The following SLC12A1 variants were observed in gnomAD, a reference collection of about 807,000 sequenced individuals.
The protein encoded by SLC12A1 is Na-K-2Cl cotransporter.
SLC12A1 carries 89 observed loss-of-function variants against 130.4 expected under a neutral mutation model. The ratio of observed to expected loss-of-function variants is 0.68; its 90% CI spans 0.58 to 0.81. SLC12A1 has a LOEUF of 0.81. SLC12A1 is among the 40% of genes least tolerant of loss of function. SLC12A1 has a pLI of 0.00. For missense variants in SLC12A1, 1,310 were observed against 1,336.4 expected (o/e 0.98, Z 0.31); for synonymous variants, 499 against 460.0 (o/e 1.08, Z -1.09).
intron 17 of SLC12A1, among the ~76,000 whole-genome samples, chr15:48,259,793 G>A (rs2041749719): frequency 6.6e-6 from 1 of 152,100 alleles, no homozygotes; most frequent in African/African-American, 2.4e-5. Flanking sequence ...ACTAAACCAA[G>A]TTTTTCATGC....
At chr15:48,256,829 C>CCA (rs1555384125) in intron 16 of SLC12A1, among the ~76,000 whole-genome samples, 1 of 146,660 alleles carries the variant, frequency 6.8e-6, no homozygotes, top group Non-Finnish European at 1.5e-5. Flanking sequence ...CTGGCCCCCC[C>CCA]CCCCAAATTT....
At chr15:48,226,681 C>T in intron 5 of SLC12A1, 110 bp downstream of exon 5, 1 of 722,470 alleles carries the variant, frequency 1.4e-6, no homozygotes. Context: ...TTCTTGAAGC[C>T]TGGCTATTTG....
At position 48,250,674 on chromosome 15, in the gene SLC12A1, C is replaced by CCCCACACACA. The variant is rs750040638; in HGVS notation, c.1787-940_1787-939insCCACACACAC. 2.9e-4 allele frequency among the ~76,000 whole-genome samples: 16 copies of CCCCACACACA among 56,128 alleles called. 1 individual carries two copies. The highest frequency in any genetic ancestry group is 1.3e-3 in the African/African-American group (14 of 10,808). The allele number at this position is 56,128 out of a possible 152,430, so 36.8% of individuals were successfully genotyped here. A position where few individuals can be genotyped will look rare whatever the true frequency, so the allele number is the denominator to read the frequency against. ...GATACACAAACCCAGAAAATGTCTGCCTCACACACACACACACACACACAC... is the reference window on the plus strand; with the variant it reads ...GATACACAAACCCAGAAAATGTCTGCCCCACACACACTCACACACACACACACACACACAC... On this transcript the variant is annotated intron_variant, in intron 14 of 26. Coordinates refer to ENST00000380993, the MANE Select transcript of SLC12A1 (RefSeq NM_000338.3).
chr15:48,263,447 A>G (rs905758045), intron 17 of SLC12A1, among the ~76,000 whole-genome samples: 5 of 152,214 alleles, frequency 3.3e-5, no homozygotes, highest in African/African-American at 1.2e-4. Flanking sequence ...CTGTTTTTAA[A>G]TTTTGAAACA....
chr15:48,302,338 C>CG (rs1438552136), intron 26 of SLC12A1, among the ~76,000 whole-genome samples: 1 of 151,858 alleles, frequency 6.6e-6, no homozygotes, highest in Admixed American at 6.6e-5. Flanking sequence ...TTAAGGCTGC[C>CG]GGCCGGGCGC....
intron 17 of SLC12A1, among the ~76,000 whole-genome samples, chr15:48,263,246 C>A (rs1304699452): frequency 2.0e-5 from 3 of 152,118 alleles, no homozygotes; most frequent in African/African-American, 7.2e-5. Context: ...AAAGTCGATT[C>A]CATTGACCTG....
intron 15 of SLC12A1, 60 bp downstream of exon 15, chr15:48,251,830 A>T: frequency 6.7e-7 from 1 of 1,492,290 alleles, no homozygotes; most frequent in Non-Finnish European, 9.3e-7. Flanking sequence ...CTCATTTATT[A>T]AGCATTTATT....
chr15:48,241,627 T>A lies in SLC12A1; in HGVS notation c.1300+28T>A, dbSNP rs375327555. Reference sequence around the variant, plus strand: ...AAGTGGTACGTCTCCAGTGTCAGAATGTCAGAATTACGAGGGGTCCAGTTG... The same window carrying A: ...AAGTGGTACGTCTCCAGTGTCAGAAAGTCAGAATTACGAGGGGTCCAGTTG... On this transcript the variant is annotated intron_variant, in intron 10 of 26. Transcript: ENST00000380993. 10 of 1,517,500 alleles carry A rather than the reference T, an allele frequency of 6.6e-6. No homozygotes were observed. In the African/African-American group the frequency reaches 1.2e-4, roughly 19 times the overall value. 94.0% of individuals were successfully genotyped at this position (1,517,500 alleles called of 1,614,324 possible). A position where few individuals can be genotyped will look rare whatever the true frequency, so the allele number is the denominator to read the frequency against.
At chr15:48,294,929 A>ATTTATTTATTTATTTATTTTTG (rs2042160830) in intron 24 of SLC12A1, among the ~76,000 whole-genome samples, 1 of 80,748 alleles carries the variant, frequency 1.2e-5, no homozygotes, top group African/African-American at 9.7e-5. Context: ...ATTTATTTTT[A>ATTTATTTATTTATTTATTTTTG]AGACAGGGTC....
intron 23 of SLC12A1, among the ~76,000 whole-genome samples, chr15:48,289,347 T>C (rs1204879334): frequency 6.8e-6 from 1 of 147,288 alleles, no homozygotes; most frequent in Non-Finnish European, 1.5e-5. Flanking sequence ...TCAGTAATTT[T>C]TAACATTTTC....
intron 20 of SLC12A1, among the ~76,000 whole-genome samples, chr15:48,277,240 A>T (rs977147204): frequency 6.6e-6 from 1 of 152,100 alleles, no homozygotes; most frequent in African/African-American, 2.4e-5. Context: ...CGACCCACGG[A>T]GTAAGATCCA....
At chr15:48,239,787 A>ATT (rs1440334588) in intron 9 of SLC12A1, among the ~76,000 whole-genome samples, 2 of 151,176 alleles carry the variant, frequency 1.3e-5, no homozygotes, top group Non-Finnish European at 2.9e-5. Flanking sequence ...AGCAGCTGGG[A>ATT]TTACAGGCAC....
At chr15:48,263,255 T>C (rs1409122510) in intron 17 of SLC12A1, among the ~76,000 whole-genome samples, 1 of 152,356 alleles carries the variant, frequency 6.6e-6, no homozygotes, top group East Asian at 1.9e-4. Context: ...TCCATTGACC[T>C]GGGATTTGGA....
At chr15:48,299,409 T>G in intron 25 of SLC12A1, 134 bp downstream of exon 25, 3 of 826,938 alleles carry the variant, frequency 3.6e-6, no homozygotes, top group Non-Finnish European at 5.2e-6. Context: ...TCTGCATTTT[T>G]CAAGTGCTTT....
At chr15:48,229,044 TAACA>T (rs1391477353) in intron 5 of SLC12A1, 141 bp from the exon 6 acceptor site, 1 of 827,990 alleles carries the variant, frequency 1.2e-6, no homozygotes, top group Non-Finnish European at 1.8e-6. Flanking sequence ...ATTCACTGGG[TAACA>T]CAGGATTCCT....
At chr15:48,222,941 A>G (rs1194138859) in intron 4 of SLC12A1, 1 of 152,242 alleles carries the variant, frequency 6.6e-6, no homozygotes, top group African/African-American at 2.4e-5. Flanking sequence ...TCCCAAAAGC[A>G]AAGGGCTGAA....
At chr15:48,285,890 G>A (rs1465867728) in intron 21 of SLC12A1, among the ~76,000 whole-genome samples, 3 of 152,190 alleles carry the variant, frequency 2.0e-5, no homozygotes, top group South Asian at 2.1e-4. Context: ...ATTACTTCCC[G>A]AAACGCTATG....
chr15:48,261,789 C>T (rs2041777866), intron 17 of SLC12A1, among the ~76,000 whole-genome samples: 1 of 152,094 alleles, frequency 6.6e-6, no homozygotes, highest in South Asian at 2.1e-4. Context: ...AGATGGTGCT[C>T]ATGGGCTTTT....
At chr15:48,280,021 G>A (rs7175172) in intron 20 of SLC12A1, among the ~76,000 whole-genome samples, 41,228 of 151,968 alleles carry the variant, frequency 0.27, 6,486 homozygotes, top group African/African-American at 0.42. Context: ...TAAAGAAAAA[G>A]GATGCTGTAA....
Sources: allele counts gnomAD v4.1 joint callset (sites outside exome capture counted in the v4.1 genomes callset), GRCh38; gene constraint gnomAD v4.1.1; transcripts MANE v1.5; gene names NCBI Gene and HGNC (gene_info 2026-07-23, HGNC 2026-07-21).